Variants in SLC9A9 observed in about 807,000 individuals in gnomAD.
The protein encoded by SLC9A9 is sodium/hydrogen exchanger 9.
A neutral mutation model predicts 77.8 loss-of-function variants in SLC9A9; 62 were observed. The ratio of observed to expected loss-of-function variants is 0.80; its 90% confidence interval spans 0.65 to 0.98. The LOEUF is 0.98. Among genes scored for constraint, SLC9A9 ranks in the 50% least tolerant of loss-of-function variants. The pLI, the probability that SLC9A9 is intolerant of heterozygous loss-of-function variation, is 0.00. For synonymous variants in SLC9A9, 320 were observed against 283.5 expected, an observed-to-expected ratio of 1.13 and a Z score of -1.29; for missense variants, 775 against 774.9, an observed-to-expected ratio of 1.00 and a Z score of 0.00.
At chr3:143,561,037 C>T (rs1967350) in intron 8 of SLC9A9, among the ~76,000 whole-genome samples, 77,569 of 151,886 alleles carry the variant, frequency 0.51, 19,914 homozygotes, top group African/African-American at 0.53. Context: ...AAAAATTAGC[C>T]GGGCGTGGTG....
At chr3:143,835,308 C>T (rs2009541803) in intron 1 of SLC9A9, among the ~76,000 whole-genome samples, 1 of 152,212 alleles carries the variant, frequency 6.6e-6, no homozygotes, top group African/African-American at 2.4e-5. Flanking sequence ...CCCTCCTTTT[C>T]CCCAAACCCC....
chr3:143,608,206 C>CT (rs1399470077), intron 6 of SLC9A9, among the ~76,000 whole-genome samples: 1 of 152,118 alleles, frequency 6.6e-6, no homozygotes, highest in Non-Finnish European at 1.5e-5. Flanking sequence ...CAATAGCCTC[C>CT]TTTTTTATTT....
At chr3:143,544,672 T>C (rs1211019686) in intron 9 of SLC9A9, among the ~76,000 whole-genome samples, 1 of 152,216 alleles carries the variant, frequency 6.6e-6, no homozygotes, top group South Asian at 2.1e-4. Context: ...TTCGGCTTAA[T>C]TAGGTCCCAC....
intron 8 of SLC9A9, among the ~76,000 whole-genome samples, chr3:143,570,798 TTATATA>T (rs1045607161): frequency 2.6e-5 from 4 of 151,896 alleles, no homozygotes; most frequent in Admixed American, 2.6e-4. Context: ...GTGTGTATAA[TTATATA>T]TATATAGTTA....
intron 14 of SLC9A9, among the ~76,000 whole-genome samples, chr3:143,299,333 T>A (rs1194752346): frequency 6.6e-6 from 1 of 152,202 alleles, no homozygotes; most frequent in Non-Finnish European, 1.5e-5. Context: ...ATAGGAGCTC[T>A]GAGCAAGCGC....
chr3:143,592,183 A>G (rs1454279325), intron 6 of SLC9A9, among the ~76,000 whole-genome samples: 1 of 152,254 alleles, frequency 6.6e-6, no homozygotes, highest in African/African-American at 2.4e-5. Flanking sequence ...ACTGGCAGAA[A>G]GTGAGACAAG....
intron 4 of SLC9A9, among the ~76,000 whole-genome samples, chr3:143,783,999 T>G (rs61348265): frequency 6.6e-6 from 1 of 152,288 alleles, no homozygotes; most frequent in African/African-American, 2.4e-5. Context: ...CACACACAGA[T>G]GCAAACCAGA....
chr3:143,382,244 C>G (rs529965206), intron 12 of SLC9A9, 130 bp from the exon 13 acceptor site: 1 of 935,244 alleles, frequency 1.1e-6, no homozygotes, highest in Admixed American at 1.8e-5. Context: ...TATCCTACGT[C>G]TTCTTGAATC....
intron 5 of SLC9A9, among the ~76,000 whole-genome samples, chr3:143,663,113 T>G (rs900805604): frequency 1.3e-5 from 2 of 152,166 alleles, no homozygotes; most frequent in Non-Finnish European, 1.5e-5. Flanking sequence ...GGTAGCAACT[T>G]TGGCTGTTCG....
chr3:143,447,554 A>T (rs2034867574), intron 12 of SLC9A9, among the ~76,000 whole-genome samples: 1 of 152,144 alleles, frequency 6.6e-6, no homozygotes, highest in Admixed American at 6.6e-5. Flanking sequence ...AGTATTCCCT[A>T]ATGGTGTTCC....
intron 4 of SLC9A9, among the ~76,000 whole-genome samples, chr3:143,771,635 C>A (rs984850377): frequency 6.6e-6 from 1 of 152,212 alleles, no homozygotes; most frequent in African/African-American, 2.4e-5. Context: ...ATTTAAACTG[C>A]AGGAAACACC....
intron 14 of SLC9A9, among the ~76,000 whole-genome samples, chr3:143,290,649 T>C (rs1040290724): frequency 2.0e-5 from 3 of 152,218 alleles, no homozygotes; most frequent in African/African-American, 7.2e-5. Flanking sequence ...CACATCTGGC[T>C]GAAATAAAGC....
intron 4 of SLC9A9, among the ~76,000 whole-genome samples, chr3:143,769,216 T>C (rs777432743): frequency 3.9e-5 from 6 of 152,180 alleles, no homozygotes; most frequent in Non-Finnish European, 5.9e-5. Flanking sequence ...CAAATAAAAT[T>C]GTATTTTGTA....
intron 6 of SLC9A9, among the ~76,000 whole-genome samples, chr3:143,639,323 G>A (rs1164447085): frequency 1.3e-5 from 2 of 152,162 alleles, no homozygotes; most frequent in African/African-American, 4.8e-5. Flanking sequence ...AGTCAAGATT[G>A]GTTCTTCTCA....
chr3:143,538,781 A>G (rs1441238484), intron 9 of SLC9A9, among the ~76,000 whole-genome samples: 2 of 152,198 alleles, frequency 1.3e-5, no homozygotes, highest in Non-Finnish European at 2.9e-5. Flanking sequence ...GTATGAAGCA[A>G]TTGTCCTGGA....
chr3:143,760,072 G>A (rs749619018), intron 4 of SLC9A9, among the ~76,000 whole-genome samples: 1 of 152,060 alleles, frequency 6.6e-6, no homozygotes, highest in African/African-American at 2.4e-5. Context: ...TTACTATCTT[G>A]AGTTTGATAG....
chr3:143,772,496 G>A (rs2007557620), intron 4 of SLC9A9, among the ~76,000 whole-genome samples: 1 of 152,204 alleles, frequency 6.6e-6, no homozygotes, highest in Non-Finnish European at 1.5e-5. Flanking sequence ...TCAAATTCCA[G>A]GTTAAATCAT....
At chr3:143,802,322 C>A (rs1412334823) in intron 2 of SLC9A9, among the ~76,000 whole-genome samples, 6 of 152,198 alleles carry the variant, frequency 3.9e-5, no homozygotes, top group Non-Finnish European at 4.4e-5. Context: ...GGAAATCTGT[C>A]CTCAAGGGAA....
intron 12 of SLC9A9, among the ~76,000 whole-genome samples, chr3:143,392,704 C>T (rs538713152): frequency 6.6e-6 from 1 of 152,036 alleles, no homozygotes; most frequent in African/African-American, 2.4e-5. Flanking sequence ...TTCAGGAGAC[C>T]CATCTCACGT....
Sources: gnomAD v4.1 joint callset for allele counts (sites outside exome capture counted in the v4.1 genomes callset) on GRCh38, gnomAD v4.1.1 for gene constraint, MANE v1.5 for transcripts, NCBI Gene and HGNC (gene_info 2026-07-23, HGNC 2026-07-21) for gene names.